SGCD: variants seen among roughly 807,000 people sequenced by gnomAD.
SGCD encodes sarcoglycan delta, also known as delta-sarcoglycan.
Under a neutral mutation model 36.6 loss-of-function variants are expected in SGCD, and 18 were observed. That is an observed-to-expected ratio of 0.49 (90% CI 0.34 to 0.73). The LOEUF (loss-of-function observed/expected upper bound fraction) is 0.73, where lower values mean the gene tolerates loss of function less well. Ranked by LOEUF, SGCD falls within the 30% of genes least tolerant of loss-of-function variation. SGCD has a pLI of 0.01. For synonymous variants in SGCD, 133 were observed against 130.6 expected, an observed-to-expected ratio of 1.02 and a Z score of -0.12; for missense variants, 387 against 346.7, an observed-to-expected ratio of 1.12 and a Z score of -0.92.
chr5:155,880,126 A>C (rs1485346356), intron 1 of SGCD, among the ~76,000 whole-genome samples: 1 of 152,128 alleles, frequency 6.6e-6, no homozygotes, highest in Non-Finnish European at 1.5e-5. Context: ...GCCAGTCCTG[A>C]AGCTGAGTAC....
chr5:156,319,658 A>G (rs185022652), intron 3 of SGCD, among the ~76,000 whole-genome samples: 1 of 152,214 alleles, frequency 6.6e-6, no homozygotes, highest in Non-Finnish European at 1.5e-5. Flanking sequence ...CTAGAATCAC[A>G]ATCTTTGCCC....
chr5:156,285,830 T>G (rs1385581918), intron 3 of SGCD, among the ~76,000 whole-genome samples: 3 of 152,084 alleles, frequency 2.0e-5, no homozygotes, highest in South Asian at 2.1e-4. Flanking sequence ...AAATGGGATC[T>G]AATTAAACTA....
intron 5 of SGCD, among the ~76,000 whole-genome samples, chr5:156,594,056 T>C (rs1437026134): frequency 6.6e-6 from 1 of 152,144 alleles, no homozygotes; most frequent in Non-Finnish European, 1.5e-5. Context: ...GAGAACCCCA[T>C]GAAATTTAGG....
At chr5:156,067,952 C>T (rs1280642681) in intron 1 of SGCD, among the ~76,000 whole-genome samples, 1 of 129,002 alleles carries the variant, frequency 7.8e-6, no homozygotes, top group Admixed American at 7.1e-5. Context: ...ATTCGGCCAT[C>T]TTGGCTCCTC....
At chr5:155,866,753 G>A (rs1444834166), upstream of SGCD, among the ~76,000 whole-genome samples, 3 of 152,108 alleles carry the variant, frequency 2.0e-5, no homozygotes, top group African/African-American at 7.2e-5. Context: ...AAGGTCACAT[G>A]GCTTGTCAGG....
intron 7 of SGCD, among the ~76,000 whole-genome samples, chr5:156,737,089 C>A (rs1340473268): frequency 6.6e-6 from 1 of 152,088 alleles, no homozygotes; most frequent in Admixed American, 6.6e-5. Context: ...CAATAGATAA[C>A]CATTTAAAAT....
At chr5:156,539,560 T>G (rs1477180718) in intron 4 of SGCD, among the ~76,000 whole-genome samples, 1 of 152,130 alleles carries the variant, frequency 6.6e-6, no homozygotes, top group Non-Finnish European at 1.5e-5. Flanking sequence ...GCCTCCAGCT[T>G]CATCCAAGTT....
At chr5:156,351,166 G>A (rs1431203274) in intron 3 of SGCD, among the ~76,000 whole-genome samples, 3 of 152,104 alleles carry the variant, frequency 2.0e-5, no homozygotes, top group Non-Finnish European at 2.9e-5. Context: ...GTGTAGCTGA[G>A]GACCTTCTCC....
chr5:156,548,010 C>T (rs1238837375), intron 4 of SGCD, among the ~76,000 whole-genome samples: 2 of 152,164 alleles, frequency 1.3e-5, no homozygotes, highest in East Asian at 3.8e-4. Flanking sequence ...GCCTGTCACC[C>T]ATAGCATTGG....
At chr5:156,670,847 C>T (rs1241219336) in intron 7 of SGCD, among the ~76,000 whole-genome samples, 1 of 152,096 alleles carries the variant, frequency 6.6e-6, no homozygotes, top group Non-Finnish European at 1.5e-5. Context: ...GTTTGCTGTC[C>T]TTCAGTGGCT....
intron 3 of SGCD, among the ~76,000 whole-genome samples, chr5:156,362,021 G>A (rs2127731504): frequency 6.6e-6 from 1 of 152,288 alleles, no homozygotes; most frequent in Non-Finnish European, 1.5e-5. Context: ...TAGGCCGAAG[G>A]AAAAGCAAGT....
At chr5:155,771,065 A>ATTTG in the SGCD span, among the ~76,000 whole-genome samples, 6,698 of 152,084 alleles carry the variant, frequency 0.044, 194 homozygotes, top group Middle Eastern at 0.13. Context: ...AACCAAAAGT[A>ATTTG]TATGTATTTG....
At chr5:155,902,614 A>G (rs560214595) in intron 1 of SGCD, among the ~76,000 whole-genome samples, 1 of 152,302 alleles carries the variant, frequency 6.6e-6, no homozygotes, top group East Asian at 1.9e-4. Flanking sequence ...TTCTGTGACC[A>G]CAGCTTCTGA....
intron 1 of SGCD, among the ~76,000 whole-genome samples, chr5:156,025,015 T>G (rs1486140751): frequency 6.6e-6 from 1 of 151,866 alleles, no homozygotes; most frequent in Admixed American, 6.6e-5. Context: ...TGAGGAAACA[T>G]TGTATTGGGG....
At chr5:156,375,160 C>A (rs561359573) in intron 3 of SGCD, among the ~76,000 whole-genome samples, 1 of 152,142 alleles carries the variant, frequency 6.6e-6, no homozygotes, top group African/African-American at 2.4e-5. Flanking sequence ...CTCTCTCTTT[C>A]CCTCTCCTTC....
intron 1 of SGCD, among the ~76,000 whole-genome samples, chr5:155,980,731 CTTTA>C (rs142148901): frequency 0.022 from 3,283 of 149,610 alleles, 126 homozygotes; most frequent in African/African-American, 0.075. Flanking sequence ...TTTATTGACC[CTTTA>C]TTTAAAAGGC....
chr5:156,089,707 G>A (rs548925920), intron 1 of SGCD, among the ~76,000 whole-genome samples: 6 of 152,304 alleles, frequency 3.9e-5, no homozygotes, highest in African/African-American at 1.2e-4. Flanking sequence ...GGGTGGGAGG[G>A]TAGTGATTTA....
rs192357578 is a variant in SGCD, at chr5:155,920,424, G to T, written c.-282+50000G>T. Among the ~76,000 whole-genome samples the T allele has an allele frequency of 7.9e-5, 12 of 152,226 alleles. No individual in the cohort carries two copies. The East Asian group carries it at 2.3e-3, about 30-fold the overall frequency. On this transcript the variant is annotated intron_variant, in intron 1 of 9. Coordinates refer to the SGCD transcript ENST00000517913. ...GAGAAGGGAGTTTATAGGGGAGTAT[G>T]ATGTTTTCTTGTGGTGTTGATTGTA... is the stretch of plus-strand genomic sequence containing the variant.
At chr5:156,330,780 A>C (rs907133165) in intron 2 of SGCD, among the ~76,000 whole-genome samples, 4 of 152,152 alleles carry the variant, frequency 2.6e-5, no homozygotes, top group African/African-American at 9.7e-5. Context: ...AAAAAAATGG[A>C]AGGTGGTATC....
Sources: allele counts gnomAD v4.1 joint callset (sites outside exome capture counted in the v4.1 genomes callset), GRCh38; gene constraint gnomAD v4.1.1; transcripts MANE v1.5; gene names NCBI Gene and HGNC (gene_info 2026-07-23, HGNC 2026-07-21).